Variants in FAM53B observed in about 807,000 individuals in gnomAD.
The protein encoded by FAM53B is protein FAM53B.
FAM53B carries 12 observed loss-of-function variants against 32.7 expected under a neutral mutation model. The ratio of observed to expected loss-of-function variants is 0.37; its 90% CI spans 0.24 to 0.59. The LOEUF is 0.59. Among genes scored for constraint, FAM53B ranks in the 20% least tolerant of loss-of-function variants. FAM53B has a pLI of 0.72. For missense variants in FAM53B, 477 were observed against 577.7 expected (o/e 0.83, Z 1.79); for synonymous variants, 234 against 228.7 (o/e 1.02, Z -0.21).
chr10:124,638,444 C>T (rs554790329), intron 4 of FAM53B, among the ~76,000 whole-genome samples: 16 of 152,300 alleles, frequency 1.1e-4, no homozygotes, highest in Non-Finnish European at 2.4e-4. Context: ...ATCTGAGTTT[C>T]TCTTTTCCCA....
At chr10:124,633,116 G>A (rs1217257543) in intron 4 of FAM53B, among the ~76,000 whole-genome samples, 3 of 152,080 alleles carry the variant, frequency 2.0e-5, no homozygotes, top group Admixed American at 1.3e-4. Flanking sequence ...CAGCAAAGGG[G>A]TCTGGGAGCT....
At chr10:124,710,070 G>A (rs1037271659) in intron 1 of FAM53B, among the ~76,000 whole-genome samples, 3 of 152,246 alleles carry the variant, frequency 2.0e-5, no homozygotes, top group East Asian at 1.9e-4. Flanking sequence ...CGTGGCCGCC[G>A]GGTCGGACTT....
At chr10:124,728,761 T>C (rs991177385) in intron 1 of FAM53B, among the ~76,000 whole-genome samples, 2 of 152,270 alleles carry the variant, frequency 1.3e-5, no homozygotes, top group African/African-American at 4.8e-5. Flanking sequence ...GTTGGTTTTC[T>C]TAAATGTCAC....
At chr10:124,666,346 C>T (rs1949672569) in intron 4 of FAM53B, among the ~76,000 whole-genome samples, 1 of 152,246 alleles carries the variant, frequency 6.6e-6, no homozygotes, top group South Asian at 2.1e-4. Flanking sequence ...TGGGGCCTTC[C>T]CTCCACCTGC....
intron 4 of FAM53B, among the ~76,000 whole-genome samples, chr10:124,660,062 C>G (rs1263245469): frequency 6.6e-6 from 1 of 152,258 alleles, no homozygotes. Context: ...CCGCCTTGGC[C>G]TTCCAACGTT....
rs1297591810 is a variant in FAM53B, at chr10:124,682,388, T to C, written c.134-9A>G. On this transcript the variant is annotated splice_polypyrimidine_tract_variant and intron_variant, in intron 3 of 4. Coordinates refer to ENST00000337318, the MANE Select transcript of FAM53B (RefSeq NM_014661.4). This position sits in a 1 kb window ranked among gnomAD's most constrained non-coding sequence, Gnocchi z 5.2. ...TCGCCATCTGTCATTTTCTGGTTCA[T>C]AAATGACAAGGAGAAAACAGGATTT... 2 of 1,587,592 alleles carry C rather than the reference T, an allele frequency of 1.3e-6. No individual in the cohort carries two copies. Among genetic ancestry groups the C allele is most frequent in the African/African-American group, 2.7e-5 (2 of 74,348 alleles).
At chr10:124,680,186 G>A (rs899723208) in intron 4 of FAM53B, among the ~76,000 whole-genome samples, 18 of 152,186 alleles carry the variant, frequency 1.2e-4, no homozygotes, top group Admixed American at 6.5e-4. Flanking sequence ...CACACGCCTA[G>A]AGCCACAATG....
chr10:124,707,023 G>C, intron 1 of FAM53B, 136 bp from the exon 2 acceptor site: 1 of 725,604 alleles, frequency 1.4e-6, no homozygotes. Context: ...CTCTGGGAGA[G>C]TCACCAAGGC....
intron 1 of FAM53B, among the ~76,000 whole-genome samples, chr10:124,712,225 G>A (rs78560730): frequency 6.6e-6 from 1 of 152,050 alleles, no homozygotes; most frequent in Non-Finnish European, 1.5e-5. Flanking sequence ...GCATGGTGGT[G>A]CATGCCTGTG....
rs199888508 is a variant in FAM53B, at chr10:124,723,582, A to C, written c.-174-16695T>G. On this transcript the variant is annotated intron_variant, in intron 1 of 4. Transcript: ENST00000337318. ...GGTGGCCAGCAGCCCTCTCACACCC[A>C]ATCATGGGAAAACTGAGAGCCCAGG... Among the ~76,000 whole-genome samples, 22 of 152,374 alleles carry C rather than the reference A, an allele frequency of 1.4e-4. No homozygotes were observed. The East Asian group carries it at 3.9e-3, about 27-fold the overall frequency.
intron 1 of FAM53B, among the ~76,000 whole-genome samples, chr10:124,724,859 A>G (rs1397037343): frequency 6.6e-6 from 1 of 152,192 alleles, no homozygotes; most frequent in Non-Finnish European, 1.5e-5. Flanking sequence ...ATATGTGATC[A>G]AGGCATGTGC....
chr10:124,690,379 A>G (rs1949826062), intron 3 of FAM53B, among the ~76,000 whole-genome samples: 1 of 152,248 alleles, frequency 6.6e-6, no homozygotes, highest in African/African-American at 2.4e-5. Context: ...GACAGAGCCC[A>G]GACGTCAACC....
intron 4 of FAM53B, among the ~76,000 whole-genome samples, chr10:124,640,514 T>G (rs1464699138): frequency 6.6e-6 from 1 of 152,182 alleles, no homozygotes; most frequent in Non-Finnish European, 1.5e-5. Context: ...GGAGATGCCA[T>G]GAATCCCACC....
chr10:124,684,139 A>G (rs1480526186), intron 3 of FAM53B, among the ~76,000 whole-genome samples: 1 of 152,274 alleles, frequency 6.6e-6, no homozygotes, highest in African/African-American at 2.4e-5. Flanking sequence ...ACACTGGTAG[A>G]ACTGTCCAGA....
At chr10:124,743,362 A>C (rs1046397041) in intron 1 of FAM53B, among the ~76,000 whole-genome samples, 1 of 152,116 alleles carries the variant, frequency 6.6e-6, no homozygotes, top group African/African-American at 2.4e-5. Context: ...CATGTGCAAA[A>C]GCCACGCCGG....
Position 124,682,003 on chromosome 10 carries a change from G to A in FAM53B, c.510C>T (p.Leu170=), listed in dbSNP as rs1246724059. The change falls in exon 4 of 5, where the codon CTC becomes CTT. Residue 170 remains leucine (L), a synonymous_variant. Transcript: ENST00000337318. This position sits in a 1 kb window ranked among gnomAD's most constrained non-coding sequence, Gnocchi z 5.2. ...STMQRSSSFS[L]PSRANVLSSP... ...AGGAGAGCACGTTGGCCCGGGAAGG[G>A]AGGCTGAAGCTGGAACTCCTCTGCA... 6 of 1,614,068 alleles carry A rather than the reference G, an allele frequency of 3.7e-6. No homozygotes were observed. The highest frequency in any genetic ancestry group is 5.1e-6 in the Non-Finnish European group (6 of 1,179,992).
chr10:124,661,686 G>A (rs1000928528), intron 4 of FAM53B, among the ~76,000 whole-genome samples: 4 of 152,214 alleles, frequency 2.6e-5, no homozygotes, highest in Admixed American at 6.5e-5. Context: ...TCAAAAGCAC[G>A]AGGGGGTTCC....
intron 4 of FAM53B, among the ~76,000 whole-genome samples, chr10:124,673,671 C>G (rs1949720388): frequency 6.6e-6 from 1 of 152,144 alleles, no homozygotes; most frequent in African/African-American, 2.4e-5. Context: ...ACTCTCAATG[C>G]CATCTCCATA....
At chr10:124,677,865 A>G (rs1212297571) in intron 4 of FAM53B, among the ~76,000 whole-genome samples, 1 of 152,198 alleles carries the variant, frequency 6.6e-6, no homozygotes, top group Admixed American at 6.5e-5. Flanking sequence ...TTCAAGGGCA[A>G]CAGACAGGAG....
Sources: allele counts gnomAD v4.1 joint callset (sites outside exome capture counted in the v4.1 genomes callset), GRCh38; gene constraint gnomAD v4.1.1; non-coding constraint Gnocchi (gnomAD v3.1); transcripts MANE v1.5; gene names NCBI Gene and HGNC (gene_info 2026-07-23, HGNC 2026-07-21).